Variants in OSGIN2 observed in about 807,000 individuals in gnomAD.
OSGIN2 encodes the protein oxidative stress induced growth inhibitor family member 2.
OSGIN2 carries 19 observed loss-of-function variants against 53.8 expected under a neutral mutation model. The ratio of observed to expected loss-of-function variants is 0.35; its 90% CI spans 0.25 to 0.52. The LOEUF is 0.52. Ranked by LOEUF, OSGIN2 falls within the 20% of genes least tolerant of loss-of-function variation. The pLI is 0.95. For synonymous variants in OSGIN2, 236 were observed against 236.0 expected, an observed-to-expected ratio of 1.00 and a Z score of 0.00; for missense variants, 520 against 662.7, an observed-to-expected ratio of 0.78 and a Z score of 2.36.
In OSGIN2 at chr8:89,927,395, T is replaced by C. The variant is rs904837837; in HGVS notation, c.*1863T>C. Reference sequence around the variant, plus strand: ...TGGTAATCTCCCATTTCCTGAGTTCTTCCTCAATCCAAGCTGTCCTGTGTA... The same window carrying C: ...TGGTAATCTCCCATTTCCTGAGTTCCTCCTCAATCCAAGCTGTCCTGTGTA... On this transcript the variant is annotated 3_prime_UTR_variant, in exon 6 of 6. Transcript: ENST00000451899. 1.3e-5 allele frequency: 2 copies of C among 152,240 alleles called. No homozygotes were observed. Among genetic ancestry groups the C allele is most frequent in the African/African-American group, 2.4e-5 (1 of 41,478 alleles). The allele number at this position is 152,240 out of a possible 1,614,324, so 9.4% of individuals were successfully genotyped here.
At chr8:89,909,037 A>AAAAAAAAAAAAT (rs1554550040) in intron 1 of OSGIN2, among the ~76,000 whole-genome samples, 1 of 84,902 alleles carries the variant, frequency 1.2e-5, no homozygotes, top group Non-Finnish European at 2.0e-5. Context: ...AAAAAAAAAA[A>AAAAAAAAAAAAT]ATATATATAT....
In OSGIN2 at chr8:89,924,806, G is replaced by A. The variant is rs200759885; in HGVS notation, c.924G>A (p.Thr308=). 47 of 1,614,156 alleles carry A rather than the reference G, an allele frequency of 2.9e-5. No individual in the cohort carries two copies. The highest frequency in any genetic ancestry group is 3.9e-5 in the Non-Finnish European group (46 of 1,180,002). Residue 308 remains threonine, a synonymous_variant, in exon 6 of 6, where the codon ACG becomes ACA. Coordinates refer to ENST00000451899, the MANE Select transcript of OSGIN2 (RefSeq NM_001126111.3). ...AGAATGTAGCGCTGGCAACTGGAAC[G>A]CTGGATTCTCCTGCCCATCTGGAAA... ...FAENVALATG[T]LDSPAHLEIE...
At chr8:89,921,006 T>TA (rs1809188394) in intron 4 of OSGIN2, 74 bp from the exon 5 acceptor site, 2 of 906,090 alleles carry the variant, frequency 2.2e-6, no homozygotes, top group East Asian at 2.4e-5. Flanking sequence ...TGGATATGGT[T>TA]AAAAAACAGA....
intron 2 of OSGIN2, among the ~76,000 whole-genome samples, chr8:89,910,852 T>G (rs906330508): frequency 1.3e-5 from 2 of 152,218 alleles, no homozygotes; most frequent in Middle Eastern, 3.2e-3. Context: ...TAGCTTAGCC[T>G]CATGTATATT....
intron 1 of OSGIN2, 148 bp downstream of exon 1, chr8:89,902,985 G>A: frequency 2.7e-6 from 1 of 370,804 alleles, no homozygotes; most frequent in Non-Finnish European, 4.6e-6. Flanking sequence ...TGGCGTGGGG[G>A]TGGGGTGGGG....
At chr8:89,907,926 C>T (rs901148243) in intron 1 of OSGIN2, among the ~76,000 whole-genome samples, 5 of 152,104 alleles carry the variant, frequency 3.3e-5, no homozygotes, top group South Asian at 2.1e-4. Flanking sequence ...TTCCCATTCC[C>T]GTCGCCTCTG....
intron 4 of OSGIN2, among the ~76,000 whole-genome samples, chr8:89,918,304 G>T (rs540647090): frequency 6.6e-6 from 1 of 151,806 alleles, no homozygotes; most frequent in South Asian, 2.1e-4. Flanking sequence ...TGTCTTTTTT[G>T]TTGTTGTTGT....
intron 1 of OSGIN2, among the ~76,000 whole-genome samples, chr8:89,904,240 A>G (rs1010781684): frequency 2.6e-5 from 4 of 152,252 alleles, no homozygotes; most frequent in Non-Finnish European, 4.4e-5. Flanking sequence ...GTTAAACTAA[A>G]TAAAGCCCAT....
chr8:89,917,252 C>G (rs1027314445), intron 4 of OSGIN2, among the ~76,000 whole-genome samples: 5 of 152,194 alleles, frequency 3.3e-5, no homozygotes, highest in Non-Finnish European at 2.9e-5. Context: ...CATAACTACT[C>G]AACTTGTAAA....
intron 4 of OSGIN2, among the ~76,000 whole-genome samples, chr8:89,915,914 G>A (rs763266123): frequency 6.6e-6 from 1 of 151,990 alleles, no homozygotes; most frequent in Non-Finnish European, 1.5e-5. Context: ...GTTGCTTTTA[G>A]CTTAAGTTTT....
intron 5 of OSGIN2, among the ~76,000 whole-genome samples, chr8:89,922,211 A>G (rs1034498235): frequency 1.3e-5 from 2 of 152,198 alleles, no homozygotes; most frequent in African/African-American, 4.8e-5. Context: ...TGAGTACTTC[A>G]CTTCCTGCTA....
chr8:89,917,443 T>G (rs1809103571), intron 4 of OSGIN2, among the ~76,000 whole-genome samples: 1 of 152,214 alleles, frequency 6.6e-6, no homozygotes, highest in Non-Finnish European at 1.5e-5. Context: ...TTCTCTTTAA[T>G]TCCCTTAACC....
chr8:89,925,387 A>G lies in OSGIN2; in HGVS notation c.1505A>G (p.Asn502Ser), dbSNP rs1385837899. Residue 502 changes from asparagine (N) to serine (S), a missense_variant, in exon 6 of 6, where the codon AAC becomes AGC. Physicochemically the swap from Asn to Ser is conservative, Grantham distance 46 (BLOSUM62 1). This residue lies in a region of OSGIN2 where 239 missense variants were observed against 328.3 expected (regional missense o/e 0.73). Coordinates refer to ENST00000451899, the MANE Select transcript of OSGIN2 (RefSeq NM_001126111.3). ...ACCTATGAGTGTATTAAAGAAGCCA[A>G]CCTTTTTGCATTGGGTCCTTTGGTT... ...TYTYECIKEANLFALGPLVGD... is the reference protein window; with the variant it reads ...TYTYECIKEASLFALGPLVGD... 5.6e-6 allele frequency: 9 copies of G among 1,614,100 alleles called. No homozygotes were observed. Among genetic ancestry groups the G allele is most frequent in the Admixed American group, 1.7e-5 (1 of 60,008 alleles).
rs375230761 is a variant in OSGIN2 at position 89,914,520 on chromosome 8, T to G, written c.337-35T>G. 2.8e-5 allele frequency: 44 copies of G among 1,560,276 alleles called. 1 individual carries two copies. The African/African-American group carries it at 3.8e-4, about 13-fold the overall frequency. On this transcript the variant is annotated intron_variant, in intron 3 of 5. Coordinates refer to ENST00000451899, the MANE Select transcript of OSGIN2 (RefSeq NM_001126111.3). ...AATATACTATCTGGGAAATGCTGGC[T>G]TTTTTCAAACTCTGTCTCCCTTTTG...
rs1023803328 is a variant in OSGIN2, at chr8:89,926,199, C to A, written c.*667C>A. On this transcript the variant is annotated 3_prime_UTR_variant, in exon 6 of 6. Coordinates refer to ENST00000451899, the MANE Select transcript of OSGIN2 (RefSeq NM_001126111.3). ...AATCTAATTTATTACCAAATAGGGT[C>A]TTTTAAAAAATATTTTTATCGTTGA... 3.3e-5 allele frequency: 5 copies of A among 152,130 alleles called. No homozygotes were observed. The highest frequency in any genetic ancestry group is 9.7e-5 in the African/African-American group (4 of 41,404). 9.4% of individuals were successfully genotyped at this position (152,130 alleles called of 1,614,324 possible). A position where few individuals can be genotyped will look rare whatever the true frequency, so the allele number is the denominator to read the frequency against.
At chr8:89,912,149 A>G (rs552237457) in intron 2 of OSGIN2, among the ~76,000 whole-genome samples, 91 of 152,302 alleles carry the variant, frequency 6.0e-4, no homozygotes, top group Non-Finnish European at 1.0e-3. Flanking sequence ...GCAGCTAGCA[A>G]TTCTCTAGGT....
chr8:89,920,894 T>C (rs150043636), intron 4 of OSGIN2, among the ~76,000 whole-genome samples, 186 bp from the exon 5 acceptor site: 29 of 152,296 alleles, frequency 1.9e-4, no homozygotes, highest in African/African-American at 6.7e-4. Context: ...GTGATGAAGG[T>C]ATATGAAAGT....
chr8:89,920,296 A>G (rs1327221637), intron 4 of OSGIN2, among the ~76,000 whole-genome samples: 2 of 145,140 alleles, frequency 1.4e-5, no homozygotes, highest in African/African-American at 2.8e-5. Flanking sequence ...AAAGTCAGTT[A>G]TAATAATAAT....
Position 89,923,420 on chromosome 8 carries a change from C to T in OSGIN2, c.621-1083C>T, listed in dbSNP as rs146043694. 3.1e-3 allele frequency among the ~76,000 whole-genome samples: 479 copies of T among 152,276 alleles called. 1 individual carries two copies. The highest frequency in any genetic ancestry group is 0.011 in the African/African-American group (456 of 41,564). The stretch of plus-strand genomic sequence containing the variant: ...TTTGTGAACTTCCCATTACAAGTTA[C>T]AAACAGTCCCTGATTAATCATGGTT... On this transcript the variant is annotated intron_variant, in intron 5 of 5. Coordinates refer to ENST00000451899, the MANE Select transcript of OSGIN2 (RefSeq NM_001126111.3).
Sources: allele counts gnomAD v4.1 joint callset (sites outside exome capture counted in the v4.1 genomes callset), GRCh38; gene constraint gnomAD v4.1.1; regional missense constraint gnomAD v4.1.1; transcripts MANE v1.5; gene names NCBI Gene and HGNC (gene_info 2026-07-23, HGNC 2026-07-21).